Variants in TUSC3 observed in about 807,000 individuals in gnomAD.
The protein encoded by TUSC3 is tumor suppressor candidate 3, also known as dolichyl-diphosphooligosaccharide--protein glycosyltransferase subunit TUSC3.
In TUSC3, 45 loss-of-function variants were observed where a neutral mutation model predicts 44.8. The observed-to-expected ratio is 1.00, with a 90% CI of 0.79 to 1.29. The LOEUF is 1.29. TUSC3 is among the 50% of genes most tolerant of loss of function. TUSC3 has a pLI of 0.00. For synonymous variants in TUSC3, 212 were observed against 152.9 expected, an observed-to-expected ratio of 1.39 and a Z score of -2.85; for missense variants, 519 against 437.9, an observed-to-expected ratio of 1.19 and a Z score of -1.65.
At chr8:15,585,965 G>A (rs1803583902) in intron 1 of TUSC3, among the ~76,000 whole-genome samples, 1 of 152,182 alleles carries the variant, frequency 6.6e-6, no homozygotes, top group Admixed American at 6.5e-5. Context: ...AATAAAGAGA[G>A]AAGATGGCTG....
chr8:15,711,256 G>T (rs909138567), intron 6 of TUSC3, among the ~76,000 whole-genome samples: 9 of 151,546 alleles, frequency 5.9e-5, no homozygotes, highest in African/African-American at 1.9e-4. Flanking sequence ...AGTATTTTAA[G>T]GGTTCTCTCC....
At chr8:15,607,057 CAGTAGTA>C (rs1804561168) in intron 1 of TUSC3, among the ~76,000 whole-genome samples, 1 of 152,030 alleles carries the variant, frequency 6.6e-6, no homozygotes, top group Admixed American at 6.6e-5. Context: ...CCGCAAGTTT[CAGTAGTA>C]AGCTTTTACC....
At chr8:15,711,784 T>C (rs889182874) in intron 6 of TUSC3, among the ~76,000 whole-genome samples, 1 of 151,912 alleles carries the variant, frequency 6.6e-6, no homozygotes, top group Non-Finnish European at 1.5e-5. Flanking sequence ...TACCTGTATA[T>C]TTAAGCTTTC....
chr8:15,848,599 C>G, the TUSC3 span, among the ~76,000 whole-genome samples: 48 of 49,026 alleles, frequency 9.8e-4, no homozygotes, highest in African/African-American at 1.8e-3. Context: ...GAAACTCAAA[C>G]TTAAACATTC....
At chr8:15,720,566 C>T (rs73528591) in intron 6 of TUSC3, among the ~76,000 whole-genome samples, 4,390 of 152,134 alleles carry the variant, frequency 0.029, 67 homozygotes, top group East Asian at 0.05. Flanking sequence ...GATAAAGTCT[C>T]TGATGTCAAA....
At chr8:15,516,391 T>G (rs1801215889) in intron 2 of TUSC3, among the ~76,000 whole-genome samples, 1 of 152,186 alleles carries the variant, frequency 6.6e-6, no homozygotes, top group Admixed American at 6.5e-5. Context: ...ACTTCTCATT[T>G]TGATTACTTC....
In TUSC3 at chr8:15,736,496, T is replaced by A. The variant is rs568508076; in HGVS notation, c.862+5767T>A. Among the ~76,000 whole-genome samples, 10 of 152,314 alleles carry A rather than the reference T, an allele frequency of 6.6e-5. 1 individual carries two copies. In the South Asian group the frequency reaches 1.5e-3, roughly 22 times the overall value. On this transcript the variant is annotated intron_variant, in intron 7 of 10. Coordinates refer to ENST00000503731, the MANE Select transcript of TUSC3 (RefSeq NM_006765.4). The stretch of plus-strand genomic sequence containing the variant: ...ATCAAATGATAAAATTAAGGTAGGG[T>A]ATGTTTTTGATTATAGAATGTTCTT...
chr8:15,730,592 T>A, intron 6 of TUSC3, 74 bp from the exon 7 acceptor site: 1 of 1,434,602 alleles, frequency 7.0e-7, no homozygotes, highest in Non-Finnish European at 9.7e-7. Context: ...CCATTGTTTA[T>A]CTTCATGACT....
chr8:15,480,398 G>C (rs759579340), intron 1 of TUSC3, among the ~76,000 whole-genome samples: 1 of 152,114 alleles, frequency 6.6e-6, no homozygotes, highest in African/African-American at 2.4e-5. Flanking sequence ...TTCCTGGTTG[G>C]CTAGGATTGC....
rs1261282422 is a variant in TUSC3, at chr8:15,540,693, G to T, written c.138+125G>T. 2.3e-6 allele frequency: 3 copies of T among 1,327,160 alleles called. No individual in the cohort carries two copies. The African/African-American group carries it at 4.6e-5, about 20-fold the overall frequency. The allele number at this position is 1,327,160 out of a possible 1,614,324, so 82.2% of individuals were successfully genotyped here. A position where few individuals can be genotyped will look rare whatever the true frequency, so the allele number is the denominator to read the frequency against. On this transcript the variant is annotated intron_variant, in intron 1 of 10. Coordinates refer to ENST00000503731, the MANE Select transcript of TUSC3 (RefSeq NM_006765.4). Reference sequence around the variant, plus strand: ...CGGCGTGGGCGATGCCGGCGCTGGGGCGGGAGCCGCGAGGGTGGGAGGCCC... The same window carrying T: ...CGGCGTGGGCGATGCCGGCGCTGGGTCGGGAGCCGCGAGGGTGGGAGGCCC...
At chr8:15,536,681 C>CAAAAAAAAAAAAAAAAAAAAAA (rs570573410), upstream of TUSC3, among the ~76,000 whole-genome samples, 2 of 45,602 alleles carry the variant, frequency 4.4e-5, no homozygotes, top group Non-Finnish European at 8.7e-5. Context: ...GATTCCGTCT[C>CAAAAAAAAAAAAAAAAAAAAAA]AAAAAAAAAA....
intron 1 of TUSC3, among the ~76,000 whole-genome samples, chr8:15,599,933 C>T (rs531549922): frequency 6.6e-6 from 1 of 151,630 alleles, no homozygotes; most frequent in African/African-American, 2.4e-5. Context: ...TCTATCATCA[C>T]TTATTAGTTC....
intron 1 of TUSC3, among the ~76,000 whole-genome samples, chr8:15,572,596 T>C (rs984369118): frequency 2.6e-5 from 4 of 152,162 alleles, no homozygotes; most frequent in African/African-American, 9.7e-5. Flanking sequence ...GTGCAAGAGG[T>C]GTAGCTTTTG....
chr8:15,427,233 T>TC (rs1430198901), intron 1 of TUSC3, among the ~76,000 whole-genome samples: 2 of 151,354 alleles, frequency 1.3e-5, no homozygotes, highest in East Asian at 1.9e-4. Context: ...TTTTTCCTTT[T>TC]TTTTTTTTTT....
intron 1 of TUSC3, among the ~76,000 whole-genome samples, chr8:15,563,456 G>A (rs1802550286): frequency 2.0e-5 from 3 of 152,172 alleles, no homozygotes; most frequent in South Asian, 4.2e-4. Flanking sequence ...GGGAGGCTGA[G>A]GTGGGCGGAT....
the TUSC3 span, among the ~76,000 whole-genome samples, chr8:15,799,241 C>A: frequency 6.6e-6 from 1 of 152,178 alleles, no homozygotes; most frequent in Non-Finnish European, 1.5e-5. Flanking sequence ...TACCATTCCT[C>A]CTTAGCACAT....
At chr8:15,438,912 C>A (rs990366038) in intron 1 of TUSC3, among the ~76,000 whole-genome samples, 5 of 152,118 alleles carry the variant, frequency 3.3e-5, no homozygotes, top group African/African-American at 1.2e-4. Context: ...TTAATAAGCA[C>A]CCAATTTAAA....
chr8:15,576,627 C>G (rs1220899932), intron 1 of TUSC3, among the ~76,000 whole-genome samples: 3 of 144,778 alleles, frequency 2.1e-5, no homozygotes, highest in Non-Finnish European at 4.5e-5. Context: ...CATGTCCCTA[C>G]AAAGGACACG....
At chr8:15,594,732 C>G (rs1563124155) in intron 1 of TUSC3, among the ~76,000 whole-genome samples, 1 of 152,130 alleles carries the variant, frequency 6.6e-6, no homozygotes, top group South Asian at 2.1e-4. Context: ...GGATACTACT[C>G]TTATGAATCA....
Sources: gnomAD v4.1 joint callset for allele counts (sites outside exome capture counted in the v4.1 genomes callset) on GRCh38, gnomAD v4.1.1 for gene constraint, MANE v1.5 for transcripts, NCBI Gene and HGNC (gene_info 2026-07-23, HGNC 2026-07-21) for gene names.